Variants in FAM107A observed in about 807,000 individuals in gnomAD.
The protein encoded by FAM107A is actin-associated protein FAM107A.
Under a neutral mutation model 13.7 loss-of-function variants are expected in FAM107A, and 19 were observed. That is an observed-to-expected ratio of 1.38 (90% CI 0.97 to 2.03). FAM107A has a LOEUF of 2.03. Ranked by LOEUF, FAM107A falls within the 30% of genes most tolerant of loss-of-function variation. The pLI, the probability that FAM107A is intolerant of heterozygous loss-of-function variation, is 0.00. For synonymous variants in FAM107A, 82 were observed against 74.5 expected (o/e 1.10, Z -0.52); for missense variants, 203 against 184.4 (o/e 1.10, Z -0.58).
chr3:58,623,599 G>A (rs1414559433), intron 1 of FAM107A, among the ~76,000 whole-genome samples: 3 of 152,336 alleles, frequency 2.0e-5, no homozygotes, highest in Middle Eastern at 3.4e-3. Context: ...GAGATGCCCC[G>A]ACAGGGGCTC....
chr3:58,566,939 C>A, intron 3 of FAM107A: 1 of 608,548 alleles, frequency 1.6e-6, no homozygotes, highest in Non-Finnish European at 2.9e-6. Flanking sequence ...GGGAATGCCA[C>A]CTGGCTCACA....
At position 58,613,150 on chromosome 3, in the gene FAM107A, G is replaced by T. The variant is rs2065870392; in HGVS notation, c.-70+14266C>A. On this transcript the variant is annotated intron_variant, in intron 1 of 3. Coordinates refer to the FAM107A transcript ENST00000465970. This position sits in a 1 kb window ranked among gnomAD's most constrained non-coding sequence, Gnocchi z 4.6. Reference sequence around the variant, plus strand: ...GGGAGCCAACTGCCTGTTTTGTCAGGTAACACCGACAAAAATAGCAGCCAT... The same window carrying T: ...GGGAGCCAACTGCCTGTTTTGTCAGTTAACACCGACAAAAATAGCAGCCAT... Among the ~76,000 whole-genome samples, 1 of 152,138 alleles carries T rather than the reference G, an allele frequency of 6.6e-6. No individual in the cohort carries two copies. Among genetic ancestry groups the T allele is most frequent in the Admixed American group, 6.5e-5 (1 of 15,272 alleles).
chr3:58,566,733 C>T, intron 3 of FAM107A, 38 bp from the exon 4 acceptor site: 1 of 1,507,884 alleles, frequency 6.6e-7, no homozygotes, highest in East Asian at 2.3e-5. Flanking sequence ...GTGGGTGGAG[C>T]TAGGGGGATT....
upstream of FAM107A, chr3:58,577,864 C>A (rs149817883): frequency 4.2e-4 from 117 of 278,444 alleles, no homozygotes; most frequent in African/African-American, 2.5e-3. The surrounding 1 kb of genome is among the most constrained non-coding windows in gnomAD (Gnocchi z 4.9). Context: ...TAATTATCCA[C>A]GAATGGGTCA....
At chr3:58,602,767 A>T (rs573855905) in intron 1 of FAM107A, among the ~76,000 whole-genome samples, 1 of 152,224 alleles carries the variant, frequency 6.6e-6, no homozygotes, top group Non-Finnish European at 1.5e-5. Context: ...TTACATATCT[A>T]TATTTATCTC....
chr3:58,626,234 T>C (rs1224000441), intron 1 of FAM107A, among the ~76,000 whole-genome samples: 2 of 151,592 alleles, frequency 1.3e-5, no homozygotes, highest in Non-Finnish European at 2.9e-5. Flanking sequence ...ATCCAGGAGG[T>C]CTGATGGGCC....
At chr3:58,586,801 AC>A in intron 1 of FAM107A, 2 of 1,481,024 alleles carry the variant, frequency 1.4e-6, no homozygotes, top group Non-Finnish European at 1.8e-6. Flanking sequence ...AGCGCCGTGC[AC>A]CACAGAGCCC....
chr3:58,575,766 C>G (rs1296076594), intron 1 of FAM107A, among the ~76,000 whole-genome samples: 1 of 152,238 alleles, frequency 6.6e-6, no homozygotes, highest in African/African-American at 2.4e-5. Flanking sequence ...AATGCAAACT[C>G]TCACTGGGGA....
chr3:58,567,405 T>G, intron 2 of FAM107A, 41 bp from the exon 3 acceptor site: 1 of 1,575,660 alleles, frequency 6.3e-7, no homozygotes, highest in East Asian at 2.3e-5. Context: ...ACCATCACCT[T>G]CCCGCTTCCC....
At chr3:58,577,485 T>C, upstream of FAM107A, 4 of 985,392 alleles carry the variant, frequency 4.1e-6, no homozygotes, top group Non-Finnish European at 4.8e-6. The surrounding 1 kb of genome is among the most constrained non-coding windows in gnomAD (Gnocchi z 4.9). Flanking sequence ...TTCCTGTTTA[T>C]TCTGGTATCA....
At chr3:58,583,797 C>G (rs963187046) in intron 1 of FAM107A, among the ~76,000 whole-genome samples, 3 of 152,026 alleles carry the variant, frequency 2.0e-5, no homozygotes, top group African/African-American at 7.2e-5. Flanking sequence ...CCTCCCACCT[C>G]AGCCTCCTGA....
intron 1 of FAM107A, among the ~76,000 whole-genome samples, chr3:58,582,795 C>T (rs763559811): frequency 4.6e-5 from 7 of 152,190 alleles, no homozygotes; most frequent in Non-Finnish European, 1.0e-4. Context: ...TAAGAGCATT[C>T]AAGTTTGTTT....
At chr3:58,590,452 C>G (rs1423176817), upstream of FAM107A, among the ~76,000 whole-genome samples, 4 of 152,220 alleles carry the variant, frequency 2.6e-5, no homozygotes, top group Non-Finnish European at 4.4e-5. Context: ...TGGATACCAA[C>G]AGTAATTTGT....
intron 1 of FAM107A, among the ~76,000 whole-genome samples, chr3:58,607,412 C>T (rs1273468298): frequency 6.6e-6 from 1 of 152,082 alleles, no homozygotes; most frequent in Non-Finnish European, 1.5e-5. Context: ...AGACAGACCC[C>T]TAGGTGGCCT....
chr3:58,598,270 G>A (rs1466347256), intron 1 of FAM107A, among the ~76,000 whole-genome samples: 1 of 152,174 alleles, frequency 6.6e-6, no homozygotes, highest in East Asian at 1.9e-4. Flanking sequence ...TTTGGAGCAG[G>A]CGCCCAGCCC....
rs2063604711 is a variant in FAM107A, at chr3:58,564,909, A to G, written c.*1679T>C. ...GCATTTACAGCCCTGTGCTGGCAGC[A>G]CACACAGGAAAAGCACGACTTCAGT... On this transcript the variant is annotated 3_prime_UTR_variant, in exon 4 of 4. Coordinates refer to ENST00000360997, the MANE Select transcript of FAM107A (RefSeq NM_001076778.3). The surrounding 1 kb of genome is among the most constrained non-coding windows in gnomAD (Gnocchi z 5.6). The G allele has an allele frequency of 6.6e-6, 1 of 152,288 alleles. No individual in the cohort carries two copies. Among genetic ancestry groups the G allele is most frequent in the African/African-American group, 2.4e-5 (1 of 41,464 alleles). The allele number at this position is 152,288 out of a possible 1,614,324, so 9.4% of individuals were successfully genotyped here. A position where few individuals can be genotyped will look rare whatever the true frequency, so the allele number is the denominator to read the frequency against.
upstream of FAM107A, among the ~76,000 whole-genome samples, chr3:58,590,955 A>G (rs1017318139): frequency 1.3e-5 from 2 of 151,788 alleles, no homozygotes; most frequent in Non-Finnish European, 2.9e-5. Context: ...TGCATTGGGG[A>G]CTCAAACCCA....
chr3:58,610,759 G>A (rs1346569847), intron 1 of FAM107A, among the ~76,000 whole-genome samples: 2 of 152,204 alleles, frequency 1.3e-5, no homozygotes, highest in African/African-American at 4.8e-5. Context: ...AGCAGTGGCT[G>A]GTTGAAGCAG....
chr3:58,611,969 TTC>T lies in FAM107A; in HGVS notation c.-70+15445_-70+15446del, dbSNP rs1160978147. On this transcript the variant is annotated intron_variant, in intron 1 of 3. Coordinates refer to the FAM107A transcript ENST00000465970. ...CACACACTGCAGATTGTGGTTTTTT[TTC>T]TTCTTCTTTTTTTCATAGCAGTAGG... 1.8e-4 allele frequency among the ~76,000 whole-genome samples: 27 copies of T among 151,802 alleles called. No individual in the cohort carries two copies. In the South Asian group the frequency reaches 1.9e-3, roughly 11 times the overall value.
Sources: allele counts gnomAD v4.1 joint callset (sites outside exome capture counted in the v4.1 genomes callset), GRCh38; gene constraint gnomAD v4.1.1; non-coding constraint Gnocchi (gnomAD v3.1); transcripts MANE v1.5; gene names NCBI Gene and HGNC (gene_info 2026-07-23, HGNC 2026-07-21).